Variants in SMIM10L3 observed in about 807,000 individuals in gnomAD.
SMIM10L3 encodes small integral membrane protein 10 like 3.
chr7:6,330,652 TG>T, the SMIM10L3 span: 1 of 1,614,164 alleles, frequency 6.2e-7, no homozygotes, highest in Non-Finnish European at 8.5e-7. Flanking sequence ...TGGGTCATCC[TG>T]AAAACTTCCC....
At chr7:6,346,435 C>G in the SMIM10L3 span, among the ~76,000 whole-genome samples, 1 of 152,206 alleles carries the variant, frequency 6.6e-6, no homozygotes, top group African/African-American at 2.4e-5. Context: ...GGCACAATCT[C>G]GGCTCACTGC....
the SMIM10L3 span, among the ~76,000 whole-genome samples, chr7:6,344,074 G>A: frequency 1.3e-5 from 2 of 151,470 alleles, no homozygotes. Context: ...TTGTAGTGAT[G>A]GTGTCTCACT....
At chr7:6,348,744 C>T in the SMIM10L3 span, 1 of 410,760 alleles carries the variant, frequency 2.4e-6, no homozygotes, top group Non-Finnish European at 4.3e-6. Context: ...CCAGGCCCGA[C>T]AGAGCCGCCG....
At chr7:6,348,846 G>C in the SMIM10L3 span, 1 of 392,480 alleles carries the variant, frequency 2.5e-6, no homozygotes. Flanking sequence ...CGTGCTCAGG[G>C]AGCGAAGGAG....
the SMIM10L3 span, among the ~76,000 whole-genome samples, chr7:6,346,145 C>T: frequency 3.9e-5 from 6 of 151,972 alleles, no homozygotes; most frequent in South Asian, 2.1e-4. Flanking sequence ...TGACTAGATA[C>T]GGCAAATACT....
chr7:6,339,906 C>A, the SMIM10L3 span, among the ~76,000 whole-genome samples: 86,719 of 150,668 alleles, frequency 0.58, 25,919 homozygotes, highest in East Asian at 0.9. Context: ...CCGCAGGGAG[C>A]ATGAGTCTCA....
At chr7:6,333,363 A>G in the SMIM10L3 span, among the ~76,000 whole-genome samples, 1 of 152,192 alleles carries the variant, frequency 6.6e-6, no homozygotes, top group South Asian at 2.1e-4. Context: ...CAGATAAATT[A>G]TTCTGGCTAC....
At chr7:6,342,692 G>A in the SMIM10L3 span, among the ~76,000 whole-genome samples, 1 of 152,198 alleles carries the variant, frequency 6.6e-6, no homozygotes, top group East Asian at 1.9e-4. Context: ...TAGCCAAAAA[G>A]TGAAAGCAAC....
the SMIM10L3 span, chr7:6,348,637 C>T: frequency 2.0e-6 from 1 of 505,642 alleles, no homozygotes. Context: ...GATACGCAGC[C>T]GCCAGGCCAG....
At chr7:6,348,835 G>C in the SMIM10L3 span, 16 of 394,058 alleles carry the variant, frequency 4.1e-5, no homozygotes, top group Admixed American at 1.8e-4. Flanking sequence ...CCCTCGCCTG[G>C]CGTGCTCAGG....
the SMIM10L3 span, among the ~76,000 whole-genome samples, chr7:6,333,070 T>A: frequency 6.6e-6 from 1 of 151,216 alleles, no homozygotes; most frequent in Non-Finnish European, 1.5e-5. Context: ...AGCGAGAGAA[T>A]TGCGTGAACC....
the SMIM10L3 span, among the ~76,000 whole-genome samples, chr7:6,346,103 T>C: frequency 6.6e-6 from 1 of 152,004 alleles, no homozygotes; most frequent in Admixed American, 6.6e-5. Flanking sequence ...ATTGGAAATC[T>C]AAAAATCTTG....
the SMIM10L3 span, among the ~76,000 whole-genome samples, chr7:6,347,515 G>A: frequency 1.0e-4 from 14 of 138,212 alleles, no homozygotes; most frequent in South Asian, 7.1e-4. Context: ...CTCTGTCTCA[G>A]GGAAAAAAAA....
At chr7:6,338,095 T>C in the SMIM10L3 span, among the ~76,000 whole-genome samples, 26 of 152,290 alleles carry the variant, frequency 1.7e-4, no homozygotes, top group African/African-American at 5.3e-4. Flanking sequence ...TGAGCCACTA[T>C]GCCCAGCCAC....
chr7:6,340,689 G>A, the SMIM10L3 span, among the ~76,000 whole-genome samples: 5 of 151,944 alleles, frequency 3.3e-5, no homozygotes, highest in Admixed American at 2.6e-4. Context: ...CACGAGGTCA[G>A]GAGATCGAGA....
chr7:6,330,547 A>G, the SMIM10L3 span: 39 of 1,614,020 alleles, frequency 2.4e-5, no homozygotes, highest in Non-Finnish European at 3.2e-5. Context: ...CTCACTCAGG[A>G]GCACTTCGGG....
the SMIM10L3 span, among the ~76,000 whole-genome samples, chr7:6,335,342 C>T: frequency 1.3e-5 from 2 of 151,926 alleles, no homozygotes; most frequent in Non-Finnish European, 2.9e-5. Flanking sequence ...CCTGCCTCAA[C>T]CTCCTGAGTA....
the SMIM10L3 span, among the ~76,000 whole-genome samples, chr7:6,348,260 A>C: frequency 2.0e-5 from 3 of 151,180 alleles, no homozygotes; most frequent in Non-Finnish European, 2.9e-5. Context: ...TTTGGGAACT[A>C]GAAAATTCAC....
the SMIM10L3 span, chr7:6,338,695 G>C: frequency 3.5e-4 from 53 of 152,518 alleles, no homozygotes; most frequent in African/African-American, 1.2e-3. Context: ...GACAACAATG[G>C]CCTGACCTAC....
Sources: gnomAD v4.1 joint callset for allele counts (sites outside exome capture counted in the v4.1 genomes callset) on GRCh38, gnomAD v4.1.1 for gene constraint, MANE v1.5 for transcripts, NCBI Gene and HGNC (gene_info 2026-07-23, HGNC 2026-07-21) for gene names.